The following NAPRT variants were observed in gnomAD, a reference collection of about 807,000 sequenced individuals.
The protein encoded by NAPRT is FHA-HIT-interacting protein.
Under a neutral mutation model 60.7 loss-of-function variants are expected in NAPRT, and 66 were observed. That is an observed-to-expected ratio of 1.09 (90% CI 0.89 to 1.33). The LOEUF (loss-of-function observed/expected upper bound fraction) is 1.33. NAPRT is among the 40% of genes most tolerant of loss of function. The probability of loss-of-function intolerance (pLI) is 0.00; values close to 1 mark genes in which losing one functional copy is unlikely to be tolerated. For missense variants in NAPRT, 818 were observed against 731.5 expected (o/e 1.12, Z -1.36); for synonymous variants, 405 against 335.7 (o/e 1.21, Z -2.26).
rs1452015762 is a variant in NAPRT at position 143,576,629 on chromosome 8, A to G, written c.881+17T>C. 3.1e-6 allele frequency: 5 copies of G among 1,605,640 alleles called. No individual in the cohort carries two copies. Among genetic ancestry groups the G allele is most frequent in the Non-Finnish European group, 4.3e-6 (5 of 1,175,054 alleles). On this transcript the variant is annotated intron_variant, in intron 6 of 12. Transcript: ENST00000449291. ...CTGAGGTTCTGCTGAGCCCACCCCT[A>G]AAGTGCCCGGGCTCACCTCCACACG...
rs1189430271 is a variant in NAPRT, at chr8:143,575,352, G to A, written c.1292-7C>T. 5.6e-6 allele frequency: 9 copies of A among 1,608,986 alleles called. No individual in the cohort carries two copies. Among genetic ancestry groups the A allele is most frequent in the African/African-American group, 5.3e-5 (4 of 74,932 alleles). On this transcript the variant is annotated splice_polypyrimidine_tract_variant and splice_region_variant and intron_variant, in intron 10 of 12. Coordinates refer to ENST00000449291, the MANE Select transcript of NAPRT (RefSeq NM_145201.6). ...ATGTCCATGAGTGGAGACCCTGTGT[G>A]GACGGGGCAAGAATAAGCGGGGGCC...
rs1824392779 is a variant in NAPRT at position 143,575,677 on chromosome 8, A to G, written c.1133T>C (p.Ile378Thr). 1.3e-6 allele frequency: 2 copies of G among 1,593,000 alleles called. No homozygotes were observed. The highest frequency in any genetic ancestry group is 1.3e-5 in the African/African-American group (1 of 74,712). ...QEGSEVNVIG[I>T]GTSVVTCPQQ... is the part of the protein sequence containing the mutation. The stretch of plus-strand genomic sequence containing the variant: ...GGGGCAGGTGACCACACTGGTGCCA[A>G]TGCCAATGACATTCACCTCACTGCC... Residue 378 changes from isoleucine (I) to threonine (T), a missense_variant, in exon 9 of 13, where the codon ATT (isoleucine) becomes ACT (threonine). Ile to Thr is a moderately conservative substitution (Grantham distance 89). Coordinates refer to ENST00000449291, the MANE Select transcript of NAPRT (RefSeq NM_145201.6).
In NAPRT at chr8:143,577,379, G is replaced by A. The variant is rs751562216; in HGVS notation, c.458C>T (p.Ala153Val). ...SYASLVATNAARLRLIAGPEK... is the reference protein window; with the variant it reads ...SYASLVATNAVRLRLIAGPEK... ...TGGCCCTGCGATCAAGCGAAGCCGC[G>A]CTGCGTTGGTGGCCACCAGGCTGTG... Residue 153 changes from alanine (A) to valine (V), a missense_variant, in exon 4 of 13, where the codon GCG becomes GTG. Ala to Val is a moderately conservative substitution (Grantham distance 64). Coordinates refer to ENST00000449291, the MANE Select transcript of NAPRT (RefSeq NM_145201.6). The A allele has an allele frequency of 9.3e-6, 15 of 1,607,608 alleles. No individual in the cohort carries two copies. Among genetic ancestry groups the A allele is most frequent in the South Asian group, 3.3e-5 (3 of 90,058 alleles).
At chr8:143,576,619 G>A (rs1824480112) in intron 6 of NAPRT, 27 bp downstream of exon 6, 2 of 1,605,424 alleles carry the variant, frequency 1.2e-6, no homozygotes, top group East Asian at 2.2e-5. Flanking sequence ...GTTCTGCTGA[G>A]CCCACCCCTA....
downstream of NAPRT, chr8:143,573,117 C>A: frequency 4.9e-6 from 1 of 202,062 alleles, no homozygotes; most frequent in Non-Finnish European, 9.9e-6. Context: ...TGGGCCCCAC[C>A]CTGAGTCGAG....
rs1193505974 is a variant in NAPRT, at chr8:143,575,283, G to A, written c.1354C>T (p.Leu452=). Reference sequence around the variant, plus strand: ...TGGGCCCCTGGAGGCCACACCCTCAGCTCCTGCCCAGCCTGTGGCACTGGC... The same window carrying A: ...TGGGCCCCTGGAGGCCACACCCTCAACTCCTGCCCAGCCTGTGGCACTGGC... ...EEPVPQAGQE[L]RVWPPGAQEP... is the part of the protein sequence containing the mutation. The change falls in exon 11 of 13, where the codon CTG becomes TTG. Residue 452 remains leucine (L), a synonymous_variant. Transcript: ENST00000449291. 6.2e-7 allele frequency: 1 copy of A among 1,612,572 alleles called. No individual in the cohort carries two copies. Among genetic ancestry groups the A allele is most frequent in the Non-Finnish European group, 8.5e-7 (1 of 1,179,950 alleles).
chr8:143,577,754 G>T lies in NAPRT; in HGVS notation c.355-15C>A. 6.4e-7 allele frequency: 1 copy of T among 1,557,032 alleles called. No homozygotes were observed. The highest frequency in any genetic ancestry group is 8.7e-7 in the Non-Finnish European group (1 of 1,153,442). Reference sequence around the variant, plus strand: ...AGGAGCGGCACCTGCGGGGAGAGAAGTCAGCTCCGCGCTCGGCCCAGCACC... The same window carrying T: ...AGGAGCGGCACCTGCGGGGAGAGAATTCAGCTCCGCGCTCGGCCCAGCACC... On this transcript the variant is annotated splice_polypyrimidine_tract_variant and intron_variant, in intron 2 of 12. Transcript: ENST00000449291.
rs1383133243 is a variant in NAPRT, at chr8:143,578,090, T to C, written c.226+3A>G. 1.3e-6 allele frequency: 2 copies of C among 1,521,780 alleles called. No homozygotes were observed. Among genetic ancestry groups the C allele is most frequent in the South Asian group, 1.2e-5 (1 of 81,910 alleles). 94.3% of individuals were successfully genotyped at this position (1,521,780 alleles called of 1,614,324 possible). A position where few individuals can be genotyped will look rare whatever the true frequency, so the allele number is the denominator to read the frequency against. ...GGGGCTCGTCGCGCGGACGGGGGAC[T>C]ACCGGCGTCCCGCAGGCGGAAGGCG... On this transcript the variant is annotated splice_donor_region_variant and intron_variant, in intron 1 of 12. Transcript: ENST00000449291.
chr8:143,573,188 C>CCCGCCCCCTGCACGCTGGCT (rs1348611922), downstream of NAPRT, among the ~76,000 whole-genome samples: 31 of 152,122 alleles, frequency 2.0e-4, no homozygotes, highest in East Asian at 1.4e-3. Flanking sequence ...AGGGGCTGGC[C>CCCGCCCCCTGCACGCTGGCT]CCGCCCCCTG....
chr8:143,577,841 G>A lies in NAPRT; in HGVS notation c.329C>T (p.Pro110Leu). Residue 110 changes from proline to leucine, a missense_variant, in exon 2 of 13, where the codon CCC becomes CTC. Transcript: ENST00000449291. ...DCSEVTVRAL[P>L]EGSLAFPGVP... ...TCCGGGGAAGGCGAGGGAGCCCTCG[G>A]GCAGGGCTCGCACCGTCACCTCGGA... 6.2e-7 allele frequency: 1 copy of A among 1,611,176 alleles called. No homozygotes were observed. The highest frequency in any genetic ancestry group is 8.5e-7 in the Non-Finnish European group (1 of 1,179,446).
chr8:143,575,860 G>A, intron 8 of NAPRT, among the ~76,000 whole-genome samples, 158 bp from the exon 9 acceptor site: 1 of 132,660 alleles, frequency 7.5e-6, no homozygotes, highest in South Asian at 2.4e-4. Flanking sequence ...AGGTGGGGAA[G>A]GAGGTGGCAC....
At position 143,574,790 on chromosome 8, in the gene NAPRT, G is replaced by T. The variant is rs532325949; in HGVS notation, c.*48C>A. The T allele has an allele frequency of 1.9e-6, 3 of 1,547,632 alleles. No individual in the cohort carries two copies. In the Admixed American group the frequency reaches 5.9e-5, roughly 30 times the overall value. On this transcript the variant is annotated 3_prime_UTR_variant, in exon 13 of 13. Transcript: ENST00000449291. The stretch of plus-strand genomic sequence containing the variant: ...ACAAACAACACAGGACAAGCTGTGG[G>T]GAAAAGTGAGTGATTCGTGTTGTTT...
In NAPRT at chr8:143,577,386, T is replaced by G; in HGVS notation, c.451A>C (p.Asn151His). The change falls in exon 4 of 13, where the codon AAC becomes CAC. Residue 151 changes from asparagine (N) to histidine (H), a missense_variant. Asn to His is a moderately conservative substitution (Grantham distance 68, BLOSUM62 1). Transcript: ENST00000449291. ...LVSYASLVAT[N>H]AARLRLIAGP... ...GCGATCAAGCGAAGCCGCGCTGCGT[T>G]GGTGGCCACCAGGCTGTGGGGAGCC... 1 of 1,607,610 alleles carries G rather than the reference T, an allele frequency of 6.2e-7. No homozygotes were observed. Among genetic ancestry groups the G allele is most frequent in the East Asian group, 2.2e-5 (1 of 44,678 alleles).
chr8:143,575,813 GCAGTGCCCTGGGTGGGGAAGGAGGTGC>G (rs1824411519), intron 8 of NAPRT, 111 bp from the exon 9 acceptor site: 10 of 490,114 alleles, frequency 2.0e-5, no homozygotes, highest in Admixed American at 1.3e-4. Context: ...GAAGGGGGTG[GCAGTGCCCTGGGTGGGGAAGGAGGTGC>G]CAGTGCCCTA....
downstream of NAPRT, among the ~76,000 whole-genome samples, chr8:143,573,222 G>A (rs532712317): frequency 2.3e-4 from 35 of 152,230 alleles, no homozygotes; most frequent in East Asian, 2.1e-3. Flanking sequence ...CCCCCTGCAC[G>A]CTGGCTCTGT....
rs1824547251 is a variant in NAPRT at position 143,577,356 on chromosome 8, G to A, written c.481C>T (p.Pro161Ser). Residue 161 changes from proline (P) to serine (S), a missense_variant, in exon 4 of 13, where the codon CCA becomes TCA. By Grantham distance (74) the Pro-to-Ser change is moderately conservative (BLOSUM62 -1). Transcript: ENST00000449291. ...CCCATCTCTAGCAGCCGCTTCTCTGGCCCTGCGATCAAGCGAAGCCGCGCT... is the reference window on the plus strand; with the variant it reads ...CCCATCTCTAGCAGCCGCTTCTCTGACCCTGCGATCAAGCGAAGCCGCGCT... ...NAARLRLIAG[P>S]EKRLLEMGLR... 2 of 1,607,700 alleles carry A rather than the reference G, an allele frequency of 1.2e-6. No individual in the cohort carries two copies. Among genetic ancestry groups the A allele is most frequent in the Non-Finnish European group, 1.7e-6 (2 of 1,178,146 alleles).
chr8:143,574,871 C>T lies in NAPRT; in HGVS notation c.1584G>A (p.Leu528=). ...QVVLSERLQA[L]VNSLCAGQSP ...ACTGCCCCGCACACAGACTGTTCACCAGGGCCTGCAGCCTCTCGGACAGCA... is the reference window on the plus strand; with the variant it reads ...ACTGCCCCGCACACAGACTGTTCACTAGGGCCTGCAGCCTCTCGGACAGCA... The change falls in exon 13 of 13, where the codon CTG becomes CTA. Residue 528 remains leucine (L), a synonymous_variant. Coordinates refer to ENST00000449291, the MANE Select transcript of NAPRT (RefSeq NM_145201.6). The T allele has an allele frequency of 6.4e-7, 1 of 1,550,624 alleles. No individual in the cohort carries two copies. Among genetic ancestry groups the T allele is most frequent in the Non-Finnish European group, 8.7e-7 (1 of 1,147,004 alleles).
chr8:143,575,173 G>A lies in NAPRT; in HGVS notation c.1446+18C>T, dbSNP rs1309575379. The A allele has an allele frequency of 6.3e-7, 1 of 1,598,666 alleles. No individual in the cohort carries two copies. Among genetic ancestry groups the A allele is most frequent in the Non-Finnish European group, 8.5e-7 (1 of 1,173,110 alleles). On this transcript the variant is annotated intron_variant, in intron 11 of 12. Coordinates refer to ENST00000449291, the MANE Select transcript of NAPRT (RefSeq NM_145201.6). ...CTACCGGGGCTGGGGGTCAGGATGAGGGCGGTGGGGCAGCCACCTGTCCCT... is the reference window on the plus strand; with the variant it reads ...CTACCGGGGCTGGGGGTCAGGATGAAGGCGGTGGGGCAGCCACCTGTCCCT...
chr8:143,577,564 G>C lies in NAPRT; in HGVS notation c.437+93C>G, dbSNP rs367954052. The C allele has an allele frequency of 1.3e-3, 1,996 of 1,489,378 alleles. 21 individuals are homozygous for C. The African/African-American group carries it at 0.023, about 17-fold the overall frequency. The allele number at this position is 1,489,378 out of a possible 1,614,324, so 92.3% of individuals were successfully genotyped here. ...CGGGAGGCCAGTCCTGGGACCCCTG[G>C]GCAGCCAGCCCCGCCGCCACAGTCC... On this transcript the variant is annotated intron_variant, in intron 3 of 12. Transcript: ENST00000449291.
Sources: gnomAD v4.1 joint callset for allele counts (sites outside exome capture counted in the v4.1 genomes callset) on GRCh38, gnomAD v4.1.1 for gene constraint, MANE v1.5 for transcripts, NCBI Gene and HGNC (gene_info 2026-07-23, HGNC 2026-07-21) for gene names.